RPS6KC1: variants seen among roughly 807,000 people sequenced by gnomAD.
The protein encoded by RPS6KC1 is ribosomal protein S6 kinase C1, also known as inactive ribosomal protein S6 kinase delta-1.
A neutral mutation model predicts 103.8 loss-of-function variants in RPS6KC1; 54 were observed. The observed-to-expected ratio is 0.52, with a 90% CI of 0.42 to 0.65. The LOEUF (loss-of-function observed/expected upper bound fraction) is 0.65. Among genes scored for constraint, RPS6KC1 ranks in the 30% least tolerant of loss-of-function variants. RPS6KC1 has a pLI of 0.00. For synonymous variants in RPS6KC1, 439 were observed against 438.7 expected (o/e 1.00, Z -0.01); for missense variants, 1,151 against 1,253.8 (o/e 0.92, Z 1.24).
At chr1:213,075,665 T>A (rs774055248) in intron 2 of RPS6KC1, among the ~76,000 whole-genome samples, 16 of 152,252 alleles carry the variant, frequency 1.1e-4, no homozygotes, top group Non-Finnish European at 1.9e-4. Context: ...ACCACCATTC[T>A]GTAGCAAAAC....
the RPS6KC1 span, among the ~76,000 whole-genome samples, chr1:213,332,266 C>G: frequency 6.6e-6 from 1 of 152,206 alleles, no homozygotes; most frequent in Non-Finnish European, 1.5e-5. Context: ...TGGCACCCAC[C>G]AAACTTTGGT....
chr1:213,824,380 C>G, the RPS6KC1 span, among the ~76,000 whole-genome samples: 1 of 152,232 alleles, frequency 6.6e-6, no homozygotes, highest in Non-Finnish European at 1.5e-5. Context: ...TAGCTTAGCT[C>G]CATCTGGTAA....
the RPS6KC1 span, among the ~76,000 whole-genome samples, chr1:213,529,337 T>C: frequency 6.6e-6 from 1 of 152,048 alleles, no homozygotes; most frequent in Non-Finnish European, 1.5e-5. Context: ...TCATGGTCTG[T>C]GAAAAGCCAG....
At chr1:213,101,081 G>T (rs1387759463) in intron 3 of RPS6KC1, among the ~76,000 whole-genome samples, 1 of 152,034 alleles carries the variant, frequency 6.6e-6, no homozygotes, top group South Asian at 2.1e-4. Context: ...GTGCAACCTC[G>T]CCAGCATCTG....
chr1:213,247,242 C>T (rs552354913), intron 12 of RPS6KC1, among the ~76,000 whole-genome samples: 1 of 152,212 alleles, frequency 6.6e-6, no homozygotes, highest in Non-Finnish European at 1.5e-5. Flanking sequence ...TGCTTCCTCT[C>T]TTAGGCAATT....
the RPS6KC1 span, among the ~76,000 whole-genome samples, chr1:213,508,964 G>A: frequency 2.6e-5 from 4 of 152,168 alleles, no homozygotes; most frequent in East Asian, 7.7e-4. Context: ...TCCCAGGTGG[G>A]TTGTAAAAAA....
At chr1:213,523,328 A>C in the RPS6KC1 span, among the ~76,000 whole-genome samples, 1 of 152,248 alleles carries the variant, frequency 6.6e-6, no homozygotes, top group Non-Finnish European at 1.5e-5. Context: ...AACAGCTATA[A>C]TAATAATGAA....
the RPS6KC1 span, among the ~76,000 whole-genome samples, chr1:213,856,951 G>A: frequency 6.6e-6 from 1 of 152,260 alleles, no homozygotes; most frequent in East Asian, 1.9e-4. Flanking sequence ...GTTATTGTGA[G>A]AATAAAATTC....
chr1:213,354,591 A>C, the RPS6KC1 span, among the ~76,000 whole-genome samples: 1 of 152,242 alleles, frequency 6.6e-6, no homozygotes, highest in African/African-American at 2.4e-5. Context: ...GTCCAAGGTC[A>C]AGGGGCTGCA....
chr1:213,502,789 A>G, the RPS6KC1 span, among the ~76,000 whole-genome samples: 25 of 152,176 alleles, frequency 1.6e-4, no homozygotes, highest in African/African-American at 5.5e-4. Context: ...GGGTGACAGA[A>G]TCATGGATCA....
the RPS6KC1 span, among the ~76,000 whole-genome samples, chr1:213,291,510 T>C: frequency 3.3e-5 from 5 of 152,230 alleles, no homozygotes; most frequent in Non-Finnish European, 7.3e-5. Context: ...CAGCGTTCCT[T>C]GCGTGGTGAG....
At chr1:213,834,440 A>C in the RPS6KC1 span, among the ~76,000 whole-genome samples, 3 of 152,148 alleles carry the variant, frequency 2.0e-5, no homozygotes, top group Non-Finnish European at 4.4e-5. Flanking sequence ...CACTGTTCCA[A>C]TCCATTCCCT....
chr1:213,518,197 A>AT, the RPS6KC1 span, among the ~76,000 whole-genome samples: 13 of 152,214 alleles, frequency 8.5e-5, no homozygotes, highest in Non-Finnish European at 1.8e-4. Context: ...AATGGGTTTT[A>AT]TGATGGCCCC....
chr1:213,848,532 C>G, the RPS6KC1 span, among the ~76,000 whole-genome samples: 1 of 151,966 alleles, frequency 6.6e-6, no homozygotes, highest in Non-Finnish European at 1.5e-5. Flanking sequence ...TGTGTATATA[C>G]TATATGTGTA....
At chr1:213,517,873 C>T in the RPS6KC1 span, among the ~76,000 whole-genome samples, 19 of 152,166 alleles carry the variant, frequency 1.2e-4, no homozygotes, top group African/African-American at 3.4e-4. Flanking sequence ...TAAGTCTCTT[C>T]GTAGGTGTCT....
At chr1:213,340,670 C>T in the RPS6KC1 span, among the ~76,000 whole-genome samples, 5 of 152,358 alleles carry the variant, frequency 3.3e-5, no homozygotes, top group South Asian at 4.1e-4. Flanking sequence ...TCCTCTCCCC[C>T]GCCTCCCTTC....
chr1:213,225,476 G>A (rs764842274), intron 8 of RPS6KC1, among the ~76,000 whole-genome samples: 19 of 151,714 alleles, frequency 1.3e-4, no homozygotes, highest in African/African-American at 3.6e-4. Flanking sequence ...TGCAACCTCC[G>A]CCTCCTGATT....
chr1:213,723,595 C>T, the RPS6KC1 span, among the ~76,000 whole-genome samples: 2 of 152,150 alleles, frequency 1.3e-5, no homozygotes, highest in African/African-American at 4.8e-5. Context: ...GACCCTATCT[C>T]TAAGTATAGT....
chr1:213,191,974 T>C (rs533174177), intron 8 of RPS6KC1, among the ~76,000 whole-genome samples: 169 of 151,918 alleles, frequency 1.1e-3, no homozygotes, highest in African/African-American at 4.0e-3. Flanking sequence ...ATGCCCAGCT[T>C]ATTTTTGTAT....
Sources: allele counts gnomAD v4.1 joint callset (sites outside exome capture counted in the v4.1 genomes callset), GRCh38; gene constraint gnomAD v4.1.1; transcripts MANE v1.5; gene names NCBI Gene and HGNC (gene_info 2026-07-23, HGNC 2026-07-21).